Variants in TERT observed in about 807,000 individuals in gnomAD.
The protein encoded by TERT is telomerase reverse transcriptase, also known as telomerase catalytic subunit.
A neutral mutation model predicts 104.0 loss-of-function variants in TERT; 42 were observed. The ratio of observed to expected loss-of-function variants is 0.40; its 90% CI spans 0.32 to 0.52. The LOEUF (loss-of-function observed/expected upper bound fraction) is 0.52, where lower values mean the gene tolerates loss of function less well. Ranked by LOEUF, TERT falls within the 20% of genes least tolerant of loss-of-function variation. The pLI is 0.43. For missense variants in TERT, 1,101 were observed against 1,610.3 expected, an observed-to-expected ratio of 0.68 and a Z score of 5.41; for synonymous variants, 781 against 725.6, an observed-to-expected ratio of 1.08 and a Z score of -1.23.
chr5:1,284,171 C>T (rs1200606550), intron 2 of TERT, among the ~76,000 whole-genome samples: 4 of 93,126 alleles, frequency 4.3e-5, no homozygotes, highest in Non-Finnish European at 6.4e-5. Context: ...ACCATCCAGA[C>T]GCCGCACATC....
rs1248098613 is a variant in TERT at position 1,286,504 on chromosome 5, T to TG, written c.1574-3881dup. Among the ~76,000 whole-genome samples, 6 of 152,026 alleles carry TG rather than the reference T, an allele frequency of 3.9e-5. 1 individual carries two copies. The highest frequency in any genetic ancestry group is 7.4e-5 in the Non-Finnish European group (5 of 68,010). ...TCAGCAGGGAAAACAGCACACAGGC[T>TG]GGGGGGTGGCCAGAGCTAAAATACA... is the stretch of plus-strand genomic sequence containing the variant. On this transcript the variant is annotated intron_variant, in intron 2 of 15. Coordinates refer to ENST00000310581, the MANE Select transcript of TERT (RefSeq NM_198253.3). The surrounding 1 kb of genome is among the most constrained non-coding windows in gnomAD (Gnocchi z 5.3).
In TERT at chr5:1,278,003, A is replaced by C. The variant is rs1749731622; in HGVS notation, c.2286+638T>G. ...GCTCTGGGAGGAGTGTGTCCCGGGG[A>C]GCGAGGCCTGAATCAGCCTTCCTAT... On this transcript the variant is annotated intron_variant, in intron 6 of 15. Transcript: ENST00000310581. Among the ~76,000 whole-genome samples, 3 of 151,374 alleles carry C rather than the reference A, an allele frequency of 2.0e-5. No homozygotes were observed. The South Asian group carries it at 6.2e-4, about 31-fold the overall frequency.
Position 1,257,698 on chromosome 5 carries a change from G to C in TERT, c.3032+900C>G, listed in dbSNP as rs35167723. On this transcript the variant is annotated intron_variant, in intron 13 of 15. Transcript: ENST00000310581. This position sits in a 1 kb window ranked among gnomAD's most constrained non-coding sequence, Gnocchi z 5.6. Reference sequence around the variant, plus strand: ...GGGTTAAAAACCATTTTCATGGTACGACCTTGTAATGGAAAACTCTCCCGT... The same window carrying C: ...GGGTTAAAAACCATTTTCATGGTACCACCTTGTAATGGAAAACTCTCCCGT... Among the ~76,000 whole-genome samples, 1,336 of 152,346 alleles carry C rather than the reference G, an allele frequency of 8.8e-3. 22 individuals are homozygous for C. Among genetic ancestry groups the C allele is most frequent in the African/African-American group, 0.031 (1,274 of 41,578 alleles).
rs141232055 is a variant in TERT at position 1,263,015 on chromosome 5, G to A, written c.2843+1389C>T. Reference sequence around the variant, plus strand: ...GGGACTGTGGGGAGCACAGGAGACCGGCATCCTTGTGGGGAGGGAGCTGCA... The same window carrying A: ...GGGACTGTGGGGAGCACAGGAGACCAGCATCCTTGTGGGGAGGGAGCTGCA... On this transcript the variant is annotated intron_variant, in intron 11 of 15. Coordinates refer to ENST00000310581, the MANE Select transcript of TERT (RefSeq NM_198253.3). This position sits in a 1 kb window ranked among gnomAD's most constrained non-coding sequence, Gnocchi z 5.3. Among the ~76,000 whole-genome samples the A allele has an allele frequency of 4.5e-3, 679 of 152,302 alleles. 11 individuals are homozygous for A. The highest frequency in any genetic ancestry group is 0.016 in the African/African-American group (654 of 41,550).
At position 1,286,019 on chromosome 5, in the gene TERT, C is replaced by T. The variant is rs935199171; in HGVS notation, c.1574-3395G>A. ...CACCGTCAGAGCTGGCGCCACACCG[C>T]AGGTTTGCGCGATTTCAAACTCGAC... On this transcript the variant is annotated intron_variant, in intron 2 of 15. Transcript: ENST00000310581. This position sits in a 1 kb window ranked among gnomAD's most constrained non-coding sequence, Gnocchi z 5.3. 3.3e-5 allele frequency among the ~76,000 whole-genome samples: 5 copies of T among 152,120 alleles called. No homozygotes were observed. The highest frequency in any genetic ancestry group is 5.9e-5 in the Non-Finnish European group (4 of 68,024).
At position 1,263,647 on chromosome 5, in the gene TERT, C is replaced by A. The variant is rs1748382819; in HGVS notation, c.2843+757G>T. On this transcript the variant is annotated intron_variant, in intron 11 of 15. Coordinates refer to ENST00000310581, the MANE Select transcript of TERT (RefSeq NM_198253.3). This position sits in a 1 kb window ranked among gnomAD's most constrained non-coding sequence, Gnocchi z 5.3. ...CCTCAAACTCCTGGCCTCAAGTGATCCACCCACCTCGGCCTCCCAAAGTGC... is the reference window on the plus strand; with the variant it reads ...CCTCAAACTCCTGGCCTCAAGTGATACACCCACCTCGGCCTCCCAAAGTGC... 6.6e-6 allele frequency among the ~76,000 whole-genome samples: 1 copy of A among 152,220 alleles called. No individual in the cohort carries two copies. The highest frequency in any genetic ancestry group is 2.4e-5 in the African/African-American group (1 of 41,452).
At position 1,294,471 on chromosome 5, in the gene TERT, G is replaced by A. The variant is rs770240505; in HGVS notation, c.415C>T (p.Leu139=). The A allele has an allele frequency of 2.5e-6, 4 of 1,589,914 alleles. No individual in the cohort carries two copies. The South Asian group carries it at 3.3e-5, about 13-fold the overall frequency. ...TCGTCGCCCACGCGGCGCAGCAGCA[G>A]CCCCCACGCCCCGCTCCCCCGCAGT... ...DALRGSGAWG[L]LLRRVGDDVL... Residue 139 remains leucine (L), a synonymous_variant, in exon 2 of 16, where the codon CTG becomes TTG. Coordinates refer to ENST00000310581, the MANE Select transcript of TERT (RefSeq NM_198253.3).
chr5:1,266,235 G>A (rs1202688443), intron 10 of TERT, among the ~76,000 whole-genome samples: 7 of 152,238 alleles, frequency 4.6e-5, no homozygotes, highest in Admixed American at 1.3e-4. Flanking sequence ...ACCTGGGTGC[G>A]TCTCTGCAGG....
intron 6 of TERT, among the ~76,000 whole-genome samples, chr5:1,275,536 G>C (rs1468760494): frequency 6.6e-6 from 1 of 151,994 alleles, no homozygotes; most frequent in Non-Finnish European, 1.5e-5. Flanking sequence ...GGCACCACAC[G>C]ACCCCAGAGT....
chr5:1,266,559 C>A, intron 9 of TERT, 24 bp from the exon 10 acceptor site: 2 of 1,584,736 alleles, frequency 1.3e-6, no homozygotes, highest in Non-Finnish European at 1.7e-6. Flanking sequence ...AAATACACAG[C>A]AAGGTTAACT....
chr5:1,263,360 C>T lies in TERT; in HGVS notation c.2843+1044G>A, dbSNP rs1554039112. Among the ~76,000 whole-genome samples the T allele has an allele frequency of 1.3e-5, 2 of 151,368 alleles. No individual in the cohort carries two copies. The highest frequency in any genetic ancestry group is 1.3e-4 in the Admixed American group (2 of 15,248). Reference sequence around the variant, plus strand: ...AGCACCAGTAAATATTATCGAAGGACAGAATAAAAAAACACCTGTCCACTA... The same window carrying T: ...AGCACCAGTAAATATTATCGAAGGATAGAATAAAAAAACACCTGTCCACTA... On this transcript the variant is annotated intron_variant, in intron 11 of 15. Transcript: ENST00000310581. This position sits in a 1 kb window ranked among gnomAD's most constrained non-coding sequence, Gnocchi z 5.3.
rs1438706190 is a variant in TERT, at chr5:1,293,941, A to T, written c.945T>A (p.Arg315=). The T allele has an allele frequency of 3.9e-6, 6 of 1,545,668 alleles. No homozygotes were observed. Among genetic ancestry groups the T allele is most frequent in the Non-Finnish European group, 4.4e-6 (5 of 1,148,516 alleles). Reference sequence around the variant, plus strand: ...CCGGGGGACAAGGCGTGTCCCAGGGACGTGGTGGCCGCGATGTGGATGGGG... The same window carrying T: ...CCGGGGGACAAGGCGTGTCCCAGGGTCGTGGTGGCCGCGATGTGGATGGGG... ...AGPPSTSRPP[R]PWDTPCPPVY... The change falls in exon 2 of 16, where the codon CGT becomes CGA. Residue 315 remains arginine (R), a synonymous_variant. Transcript: ENST00000310581.
At position 1,255,338 on chromosome 5, in the gene TERT, T is replaced by A; in HGVS notation, c.3106A>T (p.Ile1036Phe). ...WKNPTFFLRV[I>F]SDTASLCYSI... ...TAGCAGAGGGAGGCCGTGTCAGAGA[T>A]GACGCGCAGGAAAAATGTGGGGTTC... is the stretch of plus-strand genomic sequence containing the variant. The change falls in exon 14 of 16, where the codon ATC (isoleucine) becomes TTC (phenylalanine). Residue 1036 changes from isoleucine (I) to phenylalanine (F), a missense_variant. Physicochemically the swap from Ile to Phe is conservative, Grantham distance 21. This residue lies in a region of TERT where 463 missense variants were observed against 797.5 expected (regional missense o/e 0.58). Transcript: ENST00000310581. This position sits in a 1 kb window ranked among gnomAD's most constrained non-coding sequence, Gnocchi z 6.9. The A allele has an allele frequency of 6.2e-7, 1 of 1,614,200 alleles. No homozygotes were observed. Among genetic ancestry groups the A allele is most frequent in the Non-Finnish European group, 8.5e-7 (1 of 1,180,038 alleles).
intron 7 of TERT, among the ~76,000 whole-genome samples, chr5:1,271,874 C>T (rs551362752): frequency 1.3e-5 from 2 of 152,352 alleles, no homozygotes; most frequent in East Asian, 3.9e-4. Context: ...GAGGGGGACA[C>T]CTTTCCTTTG....
intron 3 of TERT, among the ~76,000 whole-genome samples, chr5:1,280,623 G>A (rs1749957861): frequency 1.3e-5 from 2 of 152,210 alleles, no homozygotes; most frequent in South Asian, 4.1e-4. Context: ...GCACCAGGGA[G>A]CCTGGTCCCA....
At chr5:1,254,031 G>C (rs1747533153) in intron 15 of TERT, among the ~76,000 whole-genome samples, 200 bp from the exon 16 acceptor site, 1 of 152,236 alleles carries the variant, frequency 6.6e-6, no homozygotes, top group South Asian at 2.1e-4. Flanking sequence ...GCGGGGCGGG[G>C]AGAGAACTTG....
Position 1,274,865 on chromosome 5 carries a change from C to A in TERT, c.2287-2585G>T, listed in dbSNP as rs1749437752. Among the ~76,000 whole-genome samples the A allele has an allele frequency of 6.6e-6, 1 of 152,146 alleles. No individual in the cohort carries two copies. The highest frequency in any genetic ancestry group is 1.5e-5 in the Non-Finnish European group (1 of 68,032). The stretch of plus-strand genomic sequence containing the variant: ...TTCCTTCAAGGAGCCGGAAAAACAA[C>A]AATAAACAAAGCCTAAAGGAAATGG... On this transcript the variant is annotated intron_variant, in intron 6 of 15. Coordinates refer to ENST00000310581, the MANE Select transcript of TERT (RefSeq NM_198253.3). The surrounding 1 kb of genome is among the most constrained non-coding windows in gnomAD (Gnocchi z 5.3).
chr5:1,263,404 AC>A lies in TERT; in HGVS notation c.2843+999del, dbSNP rs928511268. Among the ~76,000 whole-genome samples the A allele has an allele frequency of 6.6e-6, 1 of 150,570 alleles. No individual in the cohort carries two copies. Among genetic ancestry groups the A allele is most frequent in the Non-Finnish European group, 1.5e-5 (1 of 67,660 alleles). On this transcript the variant is annotated intron_variant, in intron 11 of 15. Transcript: ENST00000310581. The surrounding 1 kb of genome is among the most constrained non-coding windows in gnomAD (Gnocchi z 5.3). ...TCCACTATGGTTTTGGAATGCTGATACTTTTTTTTTTTTTTTTAAGATGAAG... is the reference window on the plus strand; with the variant it reads ...TCCACTATGGTTTTGGAATGCTGATATTTTTTTTTTTTTTTTAAGATGAAG...
At position 1,256,544 on chromosome 5, in the gene TERT, C is replaced by T. The variant is rs1188529767; in HGVS notation, c.3033-1133G>A. Among the ~76,000 whole-genome samples the T allele has an allele frequency of 6.7e-6, 1 of 149,672 alleles. No individual in the cohort carries two copies. Among genetic ancestry groups the T allele is most frequent in the Non-Finnish European group, 1.5e-5 (1 of 67,536 alleles). On this transcript the variant is annotated intron_variant, in intron 13 of 15. Transcript: ENST00000310581. The surrounding 1 kb of genome is among the most constrained non-coding windows in gnomAD (Gnocchi z 7.0). ...CCCACTGCCTGAGCCCCCCGTGTACCTCATCTCACCCACTGCCTGAGCCCC... is the reference window on the plus strand; with the variant it reads ...CCCACTGCCTGAGCCCCCCGTGTACTTCATCTCACCCACTGCCTGAGCCCC...
Sources: allele counts gnomAD v4.1 joint callset (sites outside exome capture counted in the v4.1 genomes callset), GRCh38; gene constraint gnomAD v4.1.1; regional missense constraint gnomAD v4.1.1; non-coding constraint Gnocchi (gnomAD v3.1); transcripts MANE v1.5; gene names NCBI Gene and HGNC (gene_info 2026-07-23, HGNC 2026-07-21).